POR: variants seen among roughly 807,000 people sequenced by gnomAD.
POR encodes the protein cytochrome p450 oxidoreductase.
In POR, 56 loss-of-function variants were observed where a neutral mutation model predicts 84.0. The ratio of observed to expected loss-of-function variants is 0.67; its 90% CI spans 0.54 to 0.83. POR has a LOEUF of 0.83. Ranked by LOEUF, POR falls within the 40% of genes least tolerant of loss-of-function variation. POR has a pLI of 0.00. For synonymous variants in POR, 414 were observed against 400.5 expected, an observed-to-expected ratio of 1.03 and a Z score of -0.40; for missense variants, 938 against 944.3, an observed-to-expected ratio of 0.99 and a Z score of 0.09.
chr7:75,939,470 C>CA (rs1161202810), intron 1 of POR, among the ~76,000 whole-genome samples: 11 of 150,748 alleles, frequency 7.3e-5, no homozygotes, highest in African/African-American at 2.7e-4. Context: ...GGAAGCAACT[C>CA]AGAGTTTCTG....
chr7:75,960,110 G>A (rs113393796), intron 2 of POR, among the ~76,000 whole-genome samples: 38 of 151,954 alleles, frequency 2.5e-4, no homozygotes, highest in African/African-American at 8.7e-4. Context: ...GCAACATGAC[G>A]AAACCCTGTC....
chr7:75,939,789 G>A (rs1250366507), intron 1 of POR, among the ~76,000 whole-genome samples: 1 of 151,990 alleles, frequency 6.6e-6, no homozygotes, highest in East Asian at 1.9e-4. Context: ...TGTATTTTTA[G>A]TAGAGACTGG....
chr7:75,969,825 G>A (rs1585118636), intron 2 of POR, among the ~76,000 whole-genome samples: 2 of 152,174 alleles, frequency 1.3e-5, no homozygotes, highest in African/African-American at 2.4e-5. Flanking sequence ...TAGGCGTCGC[G>A]CTCATGGCAG....
At chr7:75,980,731 G>A in intron 5 of POR, 3 of 1,500,792 alleles carry the variant, frequency 2.0e-6, no homozygotes, top group Non-Finnish European at 2.7e-6. Context: ...AGGCAAGAAA[G>A]GTCTGGCTGG....
intron 1 of POR, chr7:75,947,265 G>C (rs1454123479): frequency 1.3e-5 from 2 of 151,732 alleles, no homozygotes; most frequent in Non-Finnish European, 2.9e-5. Flanking sequence ...AGCCCAATGT[G>C]TGTTTTATTT....
rs56309046 is a variant in POR at position 75,924,234 on chromosome 7, CA to C, written c.-5+9064del. On this transcript the variant is annotated intron_variant, in intron 1 of 15. Coordinates refer to ENST00000461988, the MANE Select transcript of POR (RefSeq NM_000941.3). ...AAAAATAAATGCTCACTTGTCTCTG[CA>C]AAAAAAAAGAAAAGAAAAATTGTGT... 7.3e-4 allele frequency among the ~76,000 whole-genome samples: 108 copies of C among 148,574 alleles called. No individual in the cohort carries two copies. The Middle Eastern group carries it at 0.01, about 14-fold the overall frequency.
At chr7:75,980,952 C>G in intron 5 of POR, 96 bp from the exon 6 acceptor site, 1 of 1,404,064 alleles carries the variant, frequency 7.1e-7, no homozygotes, top group Non-Finnish European at 9.4e-7. Context: ...GCCAGCAGCT[C>G]AGCCAGTGCT....
At chr7:75,946,565 G>A (rs1207234663) in intron 1 of POR, among the ~76,000 whole-genome samples, 8 of 152,160 alleles carry the variant, frequency 5.3e-5, no homozygotes, top group African/African-American at 1.7e-4. Context: ...TGAGATTAAA[G>A]GCATGAGCCA....
At chr7:75,981,242 C>T (rs553891437) in intron 6 of POR, 70 bp downstream of exon 6, 718 of 1,467,680 alleles carry the variant, frequency 4.9e-4, no homozygotes, top group Non-Finnish European at 5.9e-4. Flanking sequence ...GTGAGGGGCG[C>T]GCACACCATT....
chr7:75,956,742 T>TG (rs1554553790), intron 2 of POR, among the ~76,000 whole-genome samples: 1 of 151,954 alleles, frequency 6.6e-6, no homozygotes, highest in Non-Finnish European at 1.5e-5. Context: ...TTTTTTTTTT[T>TG]GAGACAGACT....
rs41299499 is a variant in POR at position 75,981,305 on chromosome 7, T to TCCTGCCTCTGC, written c.641+140_641+150dup. 1,788 of 1,356,914 alleles carry TCCTGCCTCTGC rather than the reference T, an allele frequency of 1.3e-3. 19 individuals carry two copies. In the African/African-American group the frequency reaches 0.021, roughly 16 times the overall value. 84.1% of individuals were successfully genotyped at this position (1,356,914 alleles called of 1,614,324 possible). ...CCTCCAACACAGAGGGAAGGGGCTC[T>TCCTGCCTCTGC]CCTGCCTCTGCCCTGCCCCTGCCAG... On this transcript the variant is annotated intron_variant, in intron 6 of 15. Transcript: ENST00000461988.
Position 75,979,712 on chromosome 7 carries a change from T to C in POR, c.366+133T>C, listed in dbSNP as rs1284141424. ...GGGAAGACGTCCTCGGAAGTTGCCT[T>C]CCCGTGAGGGTCATTGCCATCCCTG... On this transcript the variant is annotated intron_variant, in intron 4 of 15. Transcript: ENST00000461988. The C allele has an allele frequency of 2.3e-6, 3 of 1,288,224 alleles. No homozygotes were observed. In the East Asian group the frequency reaches 7.3e-5, roughly 31 times the overall value. 79.8% of individuals were successfully genotyped at this position (1,288,224 alleles called of 1,614,324 possible). A position where few individuals can be genotyped will look rare whatever the true frequency, so the allele number is the denominator to read the frequency against.
intron 1 of POR, among the ~76,000 whole-genome samples, chr7:75,928,588 G>T (rs1554549832): frequency 6.6e-6 from 1 of 152,214 alleles, no homozygotes; most frequent in South Asian, 2.1e-4. Context: ...AATGACAAGA[G>T]AAAAAGCTGC....
intron 7 of POR, 178 bp from the exon 8 acceptor site, chr7:75,982,046 C>T (rs1394050259): frequency 6.4e-6 from 4 of 622,386 alleles, no homozygotes; most frequent in African/African-American, 3.6e-5. Context: ...CCGCCTCCCT[C>T]CTTGCTCCCT....
At chr7:75,923,739 T>C (rs1806981811) in intron 1 of POR, among the ~76,000 whole-genome samples, 1 of 151,788 alleles carries the variant, frequency 6.6e-6, no homozygotes, top group East Asian at 1.9e-4. Flanking sequence ...AATACAAAAA[T>C]TAGCTGAGCG....
Position 75,961,126 on chromosome 7 carries a change from G to A in POR, c.188+6946G>A, listed in dbSNP as rs551349147. 3.1e-3 allele frequency among the ~76,000 whole-genome samples: 474 copies of A among 152,036 alleles called. 2 individuals are homozygous for A. Among genetic ancestry groups the A allele is most frequent in the African/African-American group, 0.011 (448 of 41,452 alleles). On this transcript the variant is annotated intron_variant, in intron 2 of 15. Coordinates refer to ENST00000461988, the MANE Select transcript of POR (RefSeq NM_000941.3). ...TGCGTGCCTGTAATCCCAGCTACTC[G>A]GGAGGCTGAGGCAGGAGAATTGCTT...
intron 1 of POR, among the ~76,000 whole-genome samples, chr7:75,946,090 TGGTG>T (rs1406805977): frequency 1.3e-5 from 2 of 152,116 alleles, no homozygotes; most frequent in African/African-American, 4.8e-5. Flanking sequence ...ATTGCTACCT[TGGTG>T]GGAACCAGCC....
chr7:75,926,651 G>C (rs373540078), intron 1 of POR, among the ~76,000 whole-genome samples: 7 of 152,060 alleles, frequency 4.6e-5, no homozygotes, highest in Non-Finnish European at 1.0e-4. Flanking sequence ...AAAATTAGCC[G>C]GGCGTGGTGG....
intron 10 of POR, 53 bp downstream of exon 10, chr7:75,983,909 G>T: frequency 7.0e-7 from 1 of 1,429,278 alleles, no homozygotes; most frequent in South Asian, 1.3e-5. Context: ...GCGGGATTGG[G>T]CCTGTAGGAA....
Sources: gnomAD v4.1 joint callset for allele counts (sites outside exome capture counted in the v4.1 genomes callset) on GRCh38, gnomAD v4.1.1 for gene constraint, MANE v1.5 for transcripts, NCBI Gene and HGNC (gene_info 2026-07-23, HGNC 2026-07-21) for gene names.